ANKHD1: variants seen among roughly 807,000 people sequenced by gnomAD.
The protein encoded by ANKHD1 is ankyrin repeat and KH domain-containing protein 1.
A neutral mutation model predicts 230.5 loss-of-function variants in ANKHD1; 31 were observed. The ratio of observed to expected loss-of-function variants is 0.13; its 90% CI spans 0.10 to 0.18. The LOEUF (loss-of-function observed/expected upper bound fraction) is 0.18, where lower values mean the gene tolerates loss of function less well. Ranked by LOEUF, ANKHD1 falls within the 10% of genes least tolerant of loss-of-function variation. ANKHD1 has a pLI of 1.00. For missense variants in ANKHD1, 2,256 were observed against 3,071.3 expected (o/e 0.73, Z 6.27); for synonymous variants, 1,074 against 1,117.6 (o/e 0.96, Z 0.78).
intron 5 of ANKHD1, among the ~76,000 whole-genome samples, chr5:140,443,412 C>T (rs914619663): frequency 5.3e-5 from 8 of 151,666 alleles, no homozygotes; most frequent in Non-Finnish European, 1.2e-4. Context: ...AAAAAAAGGC[C>T]GGGCGTGGTG....
At position 140,492,541 on chromosome 5, in the gene ANKHD1, A is replaced by G. The variant is rs186365839; in HGVS notation, c.2246-3979A>G. ...ATCATACATCTGTTTATCAAAACAG[A>G]AATTCCAGTGGATAATAAACACTCT... On this transcript the variant is annotated intron_variant, in intron 14 of 33. Coordinates refer to ENST00000360839, the MANE Select transcript of ANKHD1 (RefSeq NM_017747.3). Among the ~76,000 whole-genome samples the G allele has an allele frequency of 1.1e-4, 17 of 152,344 alleles. No individual in the cohort carries two copies. The East Asian group carries it at 2.9e-3, about 26-fold the overall frequency.
In ANKHD1 at chr5:140,464,716, T is replaced by C. The variant is rs369314066; in HGVS notation, c.1722T>C (p.Tyr574=). 33 of 1,608,422 alleles carry C rather than the reference T, an allele frequency of 2.1e-5. No homozygotes were observed. Among genetic ancestry groups the C allele is most frequent in the Non-Finnish European group, 2.7e-5 (32 of 1,175,816 alleles). ...CAACAGGAGACACAGCCTTAACCTA[T>C]GCTTGTGAAAATGGACATACGGATG... ...TTATGDTALT[Y]ACENGHTDVA... The change falls in exon 10 of 34, where the codon TAT becomes TAC. Residue 574 remains tyrosine, a synonymous_variant. Coordinates refer to ENST00000360839, the MANE Select transcript of ANKHD1 (RefSeq NM_017747.3).
At chr5:140,516,122 C>G (rs1752993649) in intron 24 of ANKHD1, among the ~76,000 whole-genome samples, 1 of 152,110 alleles carries the variant, frequency 6.6e-6, no homozygotes, top group African/African-American at 2.4e-5. Context: ...GAGCTGAAAA[C>G]CAAGGCTCGA....
chr5:140,515,183 CAGG>C (rs1752941979), intron 24 of ANKHD1, among the ~76,000 whole-genome samples: 1 of 150,806 alleles, frequency 6.6e-6, no homozygotes, highest in South Asian at 2.1e-4. Flanking sequence ...GAGGCTGAGG[CAGG>C]AGAATTGTTT....
intron 9 of ANKHD1, 61 bp from the exon 10 acceptor site, chr5:140,464,606 T>C: frequency 7.3e-7 from 1 of 1,362,868 alleles, no homozygotes; most frequent in Non-Finnish European, 9.7e-7. Context: ...GATTGCAAAA[T>C]TGGACTATCT....
In ANKHD1 at chr5:140,496,503, A is replaced by G. The variant is rs372393305; in HGVS notation, c.2246-17A>G. On this transcript the variant is annotated splice_polypyrimidine_tract_variant and intron_variant, in intron 14 of 33. Coordinates refer to ENST00000360839, the MANE Select transcript of ANKHD1 (RefSeq NM_017747.3). ...TTTTTAGCATGGCACTCTTTCAAACATTTTTCATGTGCTTAGGTACATCCA... is the reference window on the plus strand; with the variant it reads ...TTTTTAGCATGGCACTCTTTCAAACGTTTTTCATGTGCTTAGGTACATCCA... 1.6e-6 allele frequency: 2 copies of G among 1,237,852 alleles called. No individual in the cohort carries two copies. The highest frequency in any genetic ancestry group is 2.8e-4 in the Middle Eastern group (1 of 3,576). The allele number at this position is 1,237,852 out of a possible 1,614,324, so 76.7% of individuals were successfully genotyped here.
At chr5:140,402,951 G>T (rs1770092220) in intron 1 of ANKHD1, among the ~76,000 whole-genome samples, 1 of 148,176 alleles carries the variant, frequency 6.7e-6, no homozygotes, top group African/African-American at 2.5e-5. Flanking sequence ...GGGGCAACCT[G>T]TGGAAACCTC....
intron 24 of ANKHD1, among the ~76,000 whole-genome samples, chr5:140,517,099 A>C (rs559965061): frequency 6.8e-6 from 1 of 147,412 alleles, no homozygotes; most frequent in East Asian, 2.0e-4. Context: ...AGGAAGATCT[A>C]CCAAGCAAAT....
chr5:140,402,044 C>G lies in ANKHD1; in HGVS notation c.77C>G (p.Ala26Gly), dbSNP rs1295291304. Residue 26 changes from alanine to glycine, a missense_variant, in exon 1 of 34, where the codon GCT becomes GGT. Coordinates refer to ENST00000360839, the MANE Select transcript of ANKHD1 (RefSeq NM_017747.3). ...LDSVAPRSAP[A>G]GASEPPPPGG... ...TCTGTGGCTCCGCGATCCGCCCCAG[C>G]TGGGGCCTCGGAGCCGCCTCCGCCG... 1 of 1,495,636 alleles carries G rather than the reference C, an allele frequency of 6.7e-7. No individual in the cohort carries two copies. Among genetic ancestry groups the G allele is most frequent in the Non-Finnish European group, 8.9e-7 (1 of 1,127,924 alleles). 92.6% of individuals were successfully genotyped at this position (1,495,636 alleles called of 1,614,324 possible).
At chr5:140,526,872 T>C (rs749003560) in intron 26 of ANKHD1, 56 bp from the exon 27 acceptor site, 1 of 1,543,008 alleles carries the variant, frequency 6.5e-7, no homozygotes, top group Non-Finnish European at 8.7e-7. Context: ...AATAGTCTCT[T>C]GAGTTTCTAT....
At chr5:140,520,531 A>T (rs916302757) in intron 24 of ANKHD1, among the ~76,000 whole-genome samples, 4 of 151,948 alleles carry the variant, frequency 2.6e-5, no homozygotes, top group Non-Finnish European at 5.9e-5. Context: ...AACCAACCCA[A>T]ATGTCCAGCA....
chr5:140,532,603 C>T (rs1347900608), intron 29 of ANKHD1, among the ~76,000 whole-genome samples: 3 of 152,052 alleles, frequency 2.0e-5, no homozygotes, highest in African/African-American at 7.2e-5. Context: ...TGCCCAGCTT[C>T]AGAGTTTCTT....
At position 140,422,683 on chromosome 5, in the gene ANKHD1, A is replaced by G. The variant is rs543361574; in HGVS notation, c.307-13421A>G. Among the ~76,000 whole-genome samples the G allele has an allele frequency of 3.0e-4, 46 of 150,882 alleles. 1 individual carries two copies. In the South Asian group the frequency reaches 9.4e-3, roughly 31 times the overall value. ...AATTTAGCAGGGTGTAGTGGTACGC[A>G]CCTGTAATCCCAGATACTCAGGAGG... On this transcript the variant is annotated intron_variant, in intron 1 of 33. Transcript: ENST00000360839.
chr5:140,539,468 G>A lies in ANKHD1; in HGVS notation c.*50G>A. 6.4e-7 allele frequency: 1 copy of A among 1,554,402 alleles called. No individual in the cohort carries two copies. The highest frequency in any genetic ancestry group is 8.7e-7 in the Non-Finnish European group (1 of 1,150,366). ...CTTGTTTAAGAAACCTATGACCTTG[G>A]AAGAACCATGGGGATTTTTTTTTAA... On this transcript the variant is annotated 3_prime_UTR_variant, in exon 34 of 34. Coordinates refer to ENST00000360839, the MANE Select transcript of ANKHD1 (RefSeq NM_017747.3).
intron 8 of ANKHD1, 132 bp downstream of exon 8, chr5:140,458,994 A>G (rs1381632803): frequency 5.8e-5 from 1 of 17,378 alleles, no homozygotes; most frequent in Non-Finnish European, 1.0e-4. Context: ...ATATATATAT[A>G]TGCATATATA....
intron 9 of ANKHD1, among the ~76,000 whole-genome samples, chr5:140,460,727 C>T (rs1235030291): frequency 6.6e-6 from 1 of 151,882 alleles, no homozygotes; most frequent in African/African-American, 2.4e-5. Context: ...TGCCACGTTC[C>T]TGAGGCTGGT....
intron 8 of ANKHD1, 141 bp from the exon 9 acceptor site, chr5:140,459,023 T>TATATATATATGC (rs1775514111): frequency 8.1e-6 from 1 of 124,032 alleles, no homozygotes; most frequent in African/African-American, 3.8e-5. Flanking sequence ...TATATATATA[T>TATATATATATGC]ATATATTGCA....
At chr5:140,418,737 T>G (rs1771610405) in intron 1 of ANKHD1, among the ~76,000 whole-genome samples, 1 of 152,214 alleles carries the variant, frequency 6.6e-6, no homozygotes, top group East Asian at 1.9e-4. Flanking sequence ...CAATACTTTT[T>G]GTTTTGCTTT....
chr5:140,403,205 G>A (rs575418863), intron 1 of ANKHD1, among the ~76,000 whole-genome samples: 1 of 151,964 alleles, frequency 6.6e-6, no homozygotes, highest in African/African-American at 2.4e-5. Flanking sequence ...CTGACCTCAG[G>A]TGATCCGCCC....
Sources: gnomAD v4.1 joint callset for allele counts (sites outside exome capture counted in the v4.1 genomes callset) on GRCh38, gnomAD v4.1.1 for gene constraint, MANE v1.5 for transcripts, NCBI Gene and HGNC (gene_info 2026-07-23, HGNC 2026-07-21) for gene names.